PAFAH1B2: variants seen among roughly 807,000 people sequenced by gnomAD.
PAFAH1B2 encodes platelet activating factor acetylhydrolase 1b catalytic subunit 2, also known as platelet-activating factor acetylhydrolase IB subunit alpha2.
Under a neutral mutation model 28.0 loss-of-function variants are expected in PAFAH1B2, and 8 were observed. That is an observed-to-expected ratio of 0.29 (90% confidence interval 0.17 to 0.52). The LOEUF (loss-of-function observed/expected upper bound fraction) is 0.52. Ranked by LOEUF, PAFAH1B2 falls within the 20% of genes least tolerant of loss-of-function variation. The probability of loss-of-function intolerance (pLI) is 0.97; values close to 1 mark genes in which losing one functional copy is unlikely to be tolerated. For missense variants in PAFAH1B2, 190 were observed against 282.6 expected, an observed-to-expected ratio of 0.67 and a Z score of 2.35; for synonymous variants, 104 against 103.2, an observed-to-expected ratio of 1.01 and a Z score of -0.05.
intron 1 of PAFAH1B2, among the ~76,000 whole-genome samples, chr11:117,149,430 G>GTTTTCTTTTTTTTTTTT (rs1956092694): frequency 1.2e-5 from 1 of 86,050 alleles, no homozygotes; most frequent in Non-Finnish European, 2.2e-5. Flanking sequence ...TTTTCTAATC[G>GTTTTCTTTTTTTTTTTT]TTTTTTTTTT....
chr11:117,155,929 A>G (rs1186934006), intron 2 of PAFAH1B2, among the ~76,000 whole-genome samples: 1 of 152,088 alleles, frequency 6.6e-6, no homozygotes, highest in African/African-American at 2.4e-5. Context: ...AGTGGCTCAT[A>G]CCTGTAGTCC....
At chr11:117,166,847 G>A (rs1459277084) in intron 5 of PAFAH1B2, among the ~76,000 whole-genome samples, 1 of 152,206 alleles carries the variant, frequency 6.6e-6, no homozygotes, top group Non-Finnish European at 1.5e-5. Flanking sequence ...AACGTTGGAG[G>A]TGGGAAGACC....
chr11:117,175,767 C>T (rs1415183953), downstream of PAFAH1B2: 3 of 1,073,664 alleles, frequency 2.8e-6, no homozygotes, highest in African/African-American at 4.8e-5. Context: ...TCACATCTTG[C>T]CCCAAAGTTA....
At position 117,152,503 on chromosome 11, in the gene PAFAH1B2, AAGG is replaced by A; in HGVS notation, c.59_61del (p.Gly20del). 1.2e-6 allele frequency: 2 copies of A among 1,613,470 alleles called. No individual in the cohort carries two copies. Among genetic ancestry groups the A allele is most frequent in the Non-Finnish European group, 1.7e-6 (2 of 1,179,338 alleles). On this transcript the variant is annotated inframe_deletion, in exon 2 of 6. Coordinates refer to ENST00000527958, the MANE Select transcript of PAFAH1B2 (RefSeq NM_002572.4). ...ATTCCGCATGCAGCAGAAGATATTC[AAGG>A]AGATGACCGATGGATGTCTCAGGTA... is the stretch of plus-strand genomic sequence containing the variant.
exon 6 of PAFAH1B2, chr11:117,176,545 G>C: frequency 5.4e-6 from 1 of 185,830 alleles, no homozygotes. Flanking sequence ...TAGGATGTCT[G>C]ACAGCTTCAG....
intron 5 of PAFAH1B2, among the ~76,000 whole-genome samples, chr11:117,165,649 C>T (rs1232914693): frequency 6.6e-6 from 1 of 152,106 alleles, no homozygotes; most frequent in African/African-American, 2.4e-5. Context: ...CAAAAGTTGA[C>T]ATCTGCATTC....
At chr11:117,166,840 G>A (rs1310050992) in intron 5 of PAFAH1B2, among the ~76,000 whole-genome samples, 1 of 152,182 alleles carries the variant, frequency 6.6e-6, no homozygotes, top group Non-Finnish European at 1.5e-5. Flanking sequence ...GGTAGACAAC[G>A]TTGGAGGTGG....
intron 1 of PAFAH1B2, among the ~76,000 whole-genome samples, chr11:117,149,986 A>G (rs1956111287): frequency 6.6e-6 from 1 of 152,050 alleles, no homozygotes; most frequent in South Asian, 2.1e-4. Flanking sequence ...AGTCCTGGCT[A>G]CAGGCCAGGA....
At chr11:117,172,368 A>T (rs1956670606), downstream of PAFAH1B2, among the ~76,000 whole-genome samples, 1 of 4,704 alleles carries the variant, frequency 2.1e-4, no homozygotes, top group African/African-American at 4.4e-4. Context: ...ATATATATAT[A>T]TATATATATA....
Position 117,168,566 on chromosome 11 carries a change from A to T in PAFAH1B2, c.*867A>T. 1 of 1,054,142 alleles carries T rather than the reference A, an allele frequency of 9.5e-7. No homozygotes were observed. The highest frequency in any genetic ancestry group is 1.1e-6 in the Non-Finnish European group (1 of 874,754). 65.3% of individuals were successfully genotyped at this position (1,054,142 alleles called of 1,614,324 possible). ...TCCAGCCAGTTACTCTCATGATAGT[A>T]CTGCTATAAAACTCATTCTTGTGTG... is the stretch of plus-strand genomic sequence containing the variant. On this transcript the variant is annotated 3_prime_UTR_variant, in exon 6 of 6. Coordinates refer to ENST00000527958, the MANE Select transcript of PAFAH1B2 (RefSeq NM_002572.4).
Position 117,170,148 on chromosome 11 carries a change from T to C in PAFAH1B2, c.*2449T>C, listed in dbSNP as rs1004994833. 3.8e-6 allele frequency: 4 copies of C among 1,055,034 alleles called. No homozygotes were observed. In the African/African-American group the frequency reaches 6.6e-5, roughly 17 times the overall value. 65.4% of individuals were successfully genotyped at this position (1,055,034 alleles called of 1,614,324 possible). A position where few individuals can be genotyped will look rare whatever the true frequency, so the allele number is the denominator to read the frequency against. On this transcript the variant is annotated 3_prime_UTR_variant, in exon 6 of 6. Transcript: ENST00000527958. ...GGTAAAAATAGTTAATCTATTTTTC[T>C]TTGACATCCTAGTTTGCGTCAGTGA...
chr11:117,146,130 TTTTG>T (rs1295555519), intron 1 of PAFAH1B2, among the ~76,000 whole-genome samples: 64 of 149,704 alleles, frequency 4.3e-4, no homozygotes, highest in Non-Finnish European at 8.9e-4. Context: ...TTTTTTTTTT[TTTTG>T]TGTGTGTGAC....
At position 117,153,224 on chromosome 11, in the gene PAFAH1B2, A is replaced by G. The variant is rs114640839; in HGVS notation, c.81+696A>G. Among the ~76,000 whole-genome samples, 1,345 of 152,352 alleles carry G rather than the reference A, an allele frequency of 8.8e-3. 17 individuals carry two copies. The highest frequency in any genetic ancestry group is 0.031 in the African/African-American group (1,286 of 41,584). ...ACCATTCTGATGTTGGAACTGGGAA[A>G]TATTTTAAGTTTTTTTATTTTGCAG... On this transcript the variant is annotated intron_variant, in intron 2 of 5. Coordinates refer to ENST00000527958, the MANE Select transcript of PAFAH1B2 (RefSeq NM_002572.4).
chr11:117,174,782 T>G, downstream of PAFAH1B2: 1 of 621,872 alleles, frequency 1.6e-6, no homozygotes. Context: ...CTGACCTAAT[T>G]TTCTGTATTT....
intron 1 of PAFAH1B2, among the ~76,000 whole-genome samples, chr11:117,150,526 A>G (rs1478874943): frequency 2.0e-5 from 3 of 152,028 alleles, no homozygotes; most frequent in African/African-American, 7.3e-5. Flanking sequence ...TGTTTGCATA[A>G]TTAGTGTTAG....
chr11:117,168,083 C>T lies in PAFAH1B2; in HGVS notation c.*384C>T. On this transcript the variant is annotated 3_prime_UTR_variant, in exon 6 of 6. Coordinates refer to ENST00000527958, the MANE Select transcript of PAFAH1B2 (RefSeq NM_002572.4). Reference sequence around the variant, plus strand: ...TGTCATATATAATAATTATCAGAATCATTCTACTTGGCTTTAAAACATGTT... The same window carrying T: ...TGTCATATATAATAATTATCAGAATTATTCTACTTGGCTTTAAAACATGTT... 9.5e-7 allele frequency: 1 copy of T among 1,056,150 alleles called. No individual in the cohort carries two copies. Among genetic ancestry groups the T allele is most frequent in the Non-Finnish European group, 1.1e-6 (1 of 872,350 alleles). 65.4% of individuals were successfully genotyped at this position (1,056,150 alleles called of 1,614,324 possible).
At chr11:117,160,537 A>G (rs180800687) in intron 3 of PAFAH1B2, among the ~76,000 whole-genome samples, 227 of 152,260 alleles carry the variant, frequency 1.5e-3, no homozygotes, top group African/African-American at 4.5e-3. Flanking sequence ...GCTGGAGTGC[A>G]GTGGCACAAT....
In PAFAH1B2 at chr11:117,169,779, A is replaced by C. The variant is rs1956607517; in HGVS notation, c.*2080A>C. ...TGAGGTATAGTTGTATAGCAAGAAG[A>C]ATTAAGCCAGATTTTTGTGTGTGGA... On this transcript the variant is annotated 3_prime_UTR_variant, in exon 6 of 6. Coordinates refer to ENST00000527958, the MANE Select transcript of PAFAH1B2 (RefSeq NM_002572.4). The C allele has an allele frequency of 9.5e-7, 1 of 1,056,578 alleles. No homozygotes were observed. The highest frequency in any genetic ancestry group is 1.1e-6 in the Non-Finnish European group (1 of 873,940). 65.5% of individuals were successfully genotyped at this position (1,056,578 alleles called of 1,614,324 possible).
chr11:117,175,443 G>A (rs1222778415), downstream of PAFAH1B2: 1 of 1,036,216 alleles, frequency 9.7e-7, no homozygotes. Context: ...AAAATGTGCA[G>A]TTGCTGCCCT....
Sources: allele counts gnomAD v4.1 joint callset (sites outside exome capture counted in the v4.1 genomes callset), GRCh38; gene constraint gnomAD v4.1.1; transcripts MANE v1.5; gene names NCBI Gene and HGNC (gene_info 2026-07-23, HGNC 2026-07-21).